ZNF737: variants seen among roughly 807,000 people sequenced by gnomAD.
The protein encoded by ZNF737 is zinc finger protein 737.
In ZNF737, 13 loss-of-function variants were observed where a neutral mutation model predicts 11.7. That is an observed-to-expected ratio of 1.11 (90% CI 0.73 to 1.77). The LOEUF (loss-of-function observed/expected upper bound fraction) is 1.77. ZNF737 is among the 40% of genes most tolerant of loss of function. The probability of loss-of-function intolerance (pLI) is 0.00; values close to 1 mark genes in which losing one functional copy is unlikely to be tolerated. For missense variants in ZNF737, 636 were observed against 638.0 expected (o/e 1.00, Z 0.03); for synonymous variants, 217 against 216.2 (o/e 1.00, Z -0.03).
intron 1 of ZNF737, among the ~76,000 whole-genome samples, chr19:20,562,340 ATTT>A (rs56851244): frequency 5.7e-5 from 7 of 123,760 alleles, no homozygotes; most frequent in African/African-American, 6.1e-5. Flanking sequence ...CACCTGGCTA[ATTT>A]TTTTTTTTTT....
Position 20,543,276 on chromosome 19 carries a change from A to G in ZNF737, c.*1316T>C, listed in dbSNP as rs1675650540. 2 of 985,432 alleles carry G rather than the reference A, an allele frequency of 2.0e-6. No homozygotes were observed. The highest frequency in any genetic ancestry group is 4.7e-5 in the South Asian group (1 of 21,282). The allele number at this position is 985,432 out of a possible 1,614,324, so 61.0% of individuals were successfully genotyped here. On this transcript the variant is annotated 3_prime_UTR_variant, in exon 4 of 4. Coordinates refer to ENST00000427401, the MANE Select transcript of ZNF737 (RefSeq NM_001159293.2). ...CAATATAAATTCCCTGATGTTGAAC[A>G]AACTTGAGCAACTGCTTTAGGATTT... is the stretch of plus-strand genomic sequence containing the variant.
Position 20,545,484 on chromosome 19 carries a change from C to A in ZNF737, c.719G>T (p.Arg240Leu). The A allele has an allele frequency of 1.2e-6, 2 of 1,612,672 alleles. No homozygotes were observed. The highest frequency in any genetic ancestry group is 1.7e-6 in the Non-Finnish European group (2 of 1,179,608). Residue 240 changes from arginine to leucine, a missense_variant, in exon 4 of 4, where the codon CGG becomes CTG. Coordinates refer to ENST00000427401, the MANE Select transcript of ZNF737 (RefSeq NM_001159293.2). ...CTTATGTGCAGTAAGGTATGAAAACCGGCTAAAGGCTTTGCCACAGTCTTC... is the reference window on the plus strand; with the variant it reads ...CTTATGTGCAGTAAGGTATGAAAACAGGCTAAAGGCTTTGCCACAGTCTTC... ...KCEDCGKAFSRFSYLTAHKII... is the reference protein window; with the variant it reads ...KCEDCGKAFSLFSYLTAHKII...
chr19:20,538,100 G>C lies in ZNF737; in HGVS notation c.*6492C>G. The C allele has an allele frequency of 1.1e-6, 1 of 948,108 alleles. No homozygotes were observed. Among genetic ancestry groups the C allele is most frequent in the Non-Finnish European group, 1.3e-6 (1 of 795,954 alleles). 58.7% of individuals were successfully genotyped at this position (948,108 alleles called of 1,614,324 possible). A position where few individuals can be genotyped will look rare whatever the true frequency, so the allele number is the denominator to read the frequency against. ...TTCACAGTGTAAAAAGTGAAGTAGA[G>C]GTTCCTCTTCAAAGACTTTTCTACC... On this transcript the variant is annotated 3_prime_UTR_variant, in exon 4 of 4. Coordinates refer to ENST00000427401, the MANE Select transcript of ZNF737 (RefSeq NM_001159293.2).
chr19:20,537,756 C>A (rs1475369114), downstream of ZNF737, among the ~76,000 whole-genome samples: 1 of 151,900 alleles, frequency 6.6e-6, no homozygotes, highest in Admixed American at 6.6e-5. Flanking sequence ...ACCTCTTGAT[C>A]CACCCACCTC....
At chr19:20,560,938 A>G (rs1969069841) in intron 1 of ZNF737, among the ~76,000 whole-genome samples, 1 of 152,196 alleles carries the variant, frequency 6.6e-6, no homozygotes, top group East Asian at 1.9e-4. Context: ...GTGGAAGACT[A>G]AGAGAATCAG....
chr19:20,541,778 A>T lies in ZNF737; in HGVS notation c.*2814T>A, dbSNP rs1555755160. ...ATTATGATCATAGAAATAATTCTGT[A>T]GTCAATAACAATTTAATTGTACATT... On this transcript the variant is annotated 3_prime_UTR_variant, in exon 4 of 4. Coordinates refer to ENST00000427401, the MANE Select transcript of ZNF737 (RefSeq NM_001159293.2). Among the ~76,000 whole-genome samples the T allele has an allele frequency of 7.9e-5, 12 of 152,202 alleles. No homozygotes were observed.
intron 3 of ZNF737, among the ~76,000 whole-genome samples, chr19:20,551,424 C>A (rs1555758332): frequency 1.1e-5 from 1 of 90,494 alleles, no homozygotes. Flanking sequence ...AGTGAAACCC[C>A]ATCTCAAAAA....
At chr19:20,561,722 C>G (rs561679689) in intron 1 of ZNF737, among the ~76,000 whole-genome samples, 2 of 151,136 alleles carry the variant, frequency 1.3e-5, no homozygotes, top group Admixed American at 6.6e-5. Context: ...TCAACACAGA[C>G]CCTGATTCAG....
intron 1 of ZNF737, 70 bp downstream of exon 1, chr19:20,565,568 C>T: frequency 1.2e-6 from 2 of 1,613,122 alleles, no homozygotes; most frequent in Non-Finnish European, 1.7e-6. Flanking sequence ...CTGAGTCCCG[C>T]CACAGCCACT....
chr19:20,552,995 G>C (rs547390058), intron 2 of ZNF737, among the ~76,000 whole-genome samples: 58 of 146,588 alleles, frequency 4.0e-4, no homozygotes, highest in Admixed American at 1.3e-3. Context: ...CTGGGTGACA[G>C]AGTGAGACTC....
intron 3 of ZNF737, among the ~76,000 whole-genome samples, chr19:20,546,208 A>C (rs1171111777): frequency 6.6e-6 from 1 of 152,218 alleles, no homozygotes; most frequent in Non-Finnish European, 1.5e-5. Flanking sequence ...GGTGAGCACA[A>C]TGCAAAGAGC....
At chr19:20,537,339 T>C (rs1487964537), downstream of ZNF737, among the ~76,000 whole-genome samples, 1 of 151,612 alleles carries the variant, frequency 6.6e-6, no homozygotes, top group Non-Finnish European at 1.5e-5. Context: ...TAGCTGGGAT[T>C]ACAGGCACCT....
rs1310515795 is a variant in ZNF737, at chr19:20,553,644, T to C, written c.130+65A>G. On this transcript the variant is annotated intron_variant, in intron 2 of 3. Coordinates refer to ENST00000427401, the MANE Select transcript of ZNF737 (RefSeq NM_001159293.2). ...TAAAAGAATAAATTACTAAAAAAAT[T>C]CTACAAGAGAGAGAAATAAAGTCTT... The C allele has an allele frequency of 4.1e-6, 6 of 1,477,054 alleles. No homozygotes were observed. The African/African-American group carries it at 7.2e-5, about 18-fold the overall frequency. 91.5% of individuals were successfully genotyped at this position (1,477,054 alleles called of 1,614,324 possible).
At position 20,545,850 on chromosome 19, in the gene ZNF737, T is replaced by C; in HGVS notation, c.353A>G (p.Glu118Gly). ...GTGCACCTTACACTCATCTACACTT[T>C]CACAGCCCTTTTTAAACTGTAAATT... Reference protein sequence around the residue: ...HDNLQFKKGCESVDECKVHKR... With the variant: ...HDNLQFKKGCGSVDECKVHKR... Residue 118 changes from glutamate (E) to glycine (G), a missense_variant, in exon 4 of 4, where the codon GAA becomes GGA. Transcript: ENST00000427401. The C allele has an allele frequency of 6.2e-7, 1 of 1,613,546 alleles. No homozygotes were observed. The highest frequency in any genetic ancestry group is 1.1e-5 in the South Asian group (1 of 90,844).
chr19:20,555,875 A>G (rs1005960581), intron 1 of ZNF737, among the ~76,000 whole-genome samples: 14 of 151,620 alleles, frequency 9.2e-5, no homozygotes, highest in African/African-American at 3.4e-4. Flanking sequence ...TCCTTCTCAG[A>G]TGAGATTCTT....
chr19:20,555,347 T>C (rs1452910473), intron 1 of ZNF737, among the ~76,000 whole-genome samples: 2 of 152,002 alleles, frequency 1.3e-5, no homozygotes, highest in Non-Finnish European at 2.9e-5. Context: ...CATGCCTGGC[T>C]AATTTTTTGC....
intron 1 of ZNF737, among the ~76,000 whole-genome samples, chr19:20,555,178 T>A (rs1555760452): frequency 9.7e-6 from 1 of 103,418 alleles, no homozygotes; most frequent in Non-Finnish European, 1.9e-5. Context: ...AAGGAATTTC[T>A]TTTCTTTTCT....
chr19:20,564,938 A>AT (rs33965622), intron 1 of ZNF737, among the ~76,000 whole-genome samples: 26,993 of 141,398 alleles, frequency 0.19, 3,091 homozygotes, highest in East Asian at 0.44. Context: ...ATAACCAGGA[A>AT]TTTTTTTTTT....
chr19:20,540,912 A>G lies in ZNF737; in HGVS notation c.*3680T>C. 9.3e-6 allele frequency: 9 copies of G among 968,208 alleles called. No homozygotes were observed. The highest frequency in any genetic ancestry group is 1.1e-5 in the Non-Finnish European group (9 of 814,228). 60.0% of individuals were successfully genotyped at this position (968,208 alleles called of 1,614,324 possible). ...TTTTATGCACCATTTATACATTCAC[A>G]CACACATAGAACAATAAAAATATAT... is the stretch of plus-strand genomic sequence containing the variant. On this transcript the variant is annotated 3_prime_UTR_variant, in exon 4 of 4. Transcript: ENST00000427401.
Sources: gnomAD v4.1 joint callset for allele counts (sites outside exome capture counted in the v4.1 genomes callset) on GRCh38, gnomAD v4.1.1 for gene constraint, MANE v1.5 for transcripts, NCBI Gene and HGNC (gene_info 2026-07-23, HGNC 2026-07-21) for gene names.